TP53BP2: variants seen among roughly 807,000 people sequenced by gnomAD.
TP53BP2 encodes the protein apoptosis-stimulating of p53 protein 2.
A neutral mutation model predicts 126.2 loss-of-function variants in TP53BP2; 62 were observed. That is an observed-to-expected ratio of 0.49 (90% CI 0.40 to 0.61). The LOEUF (loss-of-function observed/expected upper bound fraction) is 0.61, where lower values mean the gene tolerates loss of function less well. TP53BP2 is among the 20% of genes least tolerant of loss of function. The probability of loss-of-function intolerance (pLI) is 0.00; values close to 1 mark genes in which losing one functional copy is unlikely to be tolerated. For synonymous variants in TP53BP2, 485 were observed against 502.9 expected (o/e 0.96, Z 0.48); for missense variants, 1,215 against 1,402.8 (o/e 0.87, Z 2.14).
intron 1 of TP53BP2, among the ~76,000 whole-genome samples, chr1:223,831,917 T>C (rs1047241948): frequency 1.3e-5 from 2 of 152,194 alleles, no homozygotes; most frequent in African/African-American, 4.8e-5. Flanking sequence ...CATAGATTTA[T>C]TTTAAGAGTC....
At chr1:223,843,175 T>C (rs1301018900) in intron 1 of TP53BP2, among the ~76,000 whole-genome samples, 3 of 138,298 alleles carry the variant, frequency 2.2e-5, no homozygotes, top group Non-Finnish European at 4.5e-5. Flanking sequence ...ACACAATTTA[T>C]TTGCACTTTT....
intron 4 of TP53BP2, 129 bp from the exon 5 acceptor site, chr1:223,807,076 T>C (rs977450305): frequency 3.3e-6 from 2 of 598,202 alleles, no homozygotes; most frequent in Non-Finnish European, 5.8e-6. Context: ...GCGATTTTTC[T>C]TTCATAATAT....
chr1:223,829,202 C>T (rs1055571772), intron 1 of TP53BP2, among the ~76,000 whole-genome samples: 1 of 152,060 alleles, frequency 6.6e-6, no homozygotes, highest in Admixed American at 6.5e-5. Context: ...AGCATGGTAG[C>T]GTATACCTAT....
rs557222975 is a variant in TP53BP2, at chr1:223,782,033, A to T, written c.3364-1139T>A. On this transcript the variant is annotated intron_variant, in intron 17 of 17. Transcript: ENST00000343537. ...TGCAATGTTCCCCGTGTCATTAACC[A>T]CAGGACCTGTGTTAGAAAATTTAAA... Among the ~76,000 whole-genome samples, 10 of 131,288 alleles carry T rather than the reference A, an allele frequency of 7.6e-5. No homozygotes were observed. In the South Asian group the frequency reaches 1.9e-3, roughly 25 times the overall value. 86.1% of individuals were successfully genotyped at this position (131,288 alleles called of 152,430 possible).
In TP53BP2 at chr1:223,806,837, C is replaced by T. The variant is rs779963179; in HGVS notation, c.474+9G>A. On this transcript the variant is annotated intron_variant, in intron 5 of 17. Coordinates refer to ENST00000343537, the MANE Select transcript of TP53BP2 (RefSeq NM_001031685.3). ...AGCATTCATCTCCAAAAAAAAAGGA[C>T]GATACTACCTTAGTTGCCAGCAATT... is the stretch of plus-strand genomic sequence containing the variant. 39 of 1,610,596 alleles carry T rather than the reference C, an allele frequency of 2.4e-5. 1 individual carries two copies. In the South Asian group the frequency reaches 2.5e-4, roughly 10 times the overall value.
chr1:223,802,843 T>C lies in TP53BP2; in HGVS notation c.884A>G (p.Glu295Gly). 1 of 1,614,152 alleles carries C rather than the reference T, an allele frequency of 6.2e-7. No individual in the cohort carries two copies. Among genetic ancestry groups the C allele is most frequent in the East Asian group, 2.2e-5 (1 of 44,886 alleles). ...TTCTGAATTACGCTTATTCAAACAC[T>C]CCCTCTGTTGTTGTAGCTTGGCATT... ...EQNAKLQQQR[E>G]CLNKRNSEVA... is the part of the protein sequence containing the mutation. Residue 295 changes from glutamate (E) to glycine (G), a missense_variant, in exon 8 of 18, where the codon GAG becomes GGG. Glu to Gly is a moderately conservative substitution (Grantham distance 98). Coordinates refer to ENST00000343537, the MANE Select transcript of TP53BP2 (RefSeq NM_001031685.3).
intron 1 of TP53BP2, among the ~76,000 whole-genome samples, chr1:223,833,701 T>C (rs552704437): frequency 3.9e-5 from 6 of 152,318 alleles, no homozygotes; most frequent in Non-Finnish European, 8.8e-5. Context: ...AAGAAGCTCC[T>C]GGTTCTATGC....
intron 2 of TP53BP2, among the ~76,000 whole-genome samples, chr1:223,819,603 G>A (rs1464601295): frequency 6.6e-6 from 1 of 151,342 alleles, no homozygotes; most frequent in African/African-American, 2.4e-5. Flanking sequence ...GGAGAATGGC[G>A]TGAACCTGGG....
At chr1:223,827,048 AC>A (rs1346374612) in intron 1 of TP53BP2, among the ~76,000 whole-genome samples, 1 of 152,204 alleles carries the variant, frequency 6.6e-6, no homozygotes, top group African/African-American at 2.4e-5. Flanking sequence ...GGAAGGGCCC[AC>A]AGAATGAGGC....
intron 1 of TP53BP2, among the ~76,000 whole-genome samples, chr1:223,826,419 G>A (rs775766121): frequency 1.3e-5 from 2 of 152,124 alleles, no homozygotes; most frequent in African/African-American, 4.8e-5. Flanking sequence ...TAGAAACCAC[G>A]TCCTGAGAAC....
rs184020097 is a variant in TP53BP2 at position 223,839,615 on chromosome 1, A to C, written c.27+6039T>G. On this transcript the variant is annotated intron_variant, in intron 1 of 17. Transcript: ENST00000343537. ...TTGAAATTTAAATAAAGTAGTATTAAGTTATAAATCTGTATCCAGAAAAAC... is the reference window on the plus strand; with the variant it reads ...TTGAAATTTAAATAAAGTAGTATTACGTTATAAATCTGTATCCAGAAAAAC... Among the ~76,000 whole-genome samples, 216 of 152,342 alleles carry C rather than the reference A, an allele frequency of 1.4e-3. 3 individuals are homozygous for C. In the Middle Eastern group the frequency reaches 0.02, roughly 14 times the overall value.
intron 1 of TP53BP2, among the ~76,000 whole-genome samples, chr1:223,830,435 A>C (rs1375819114): frequency 6.6e-6 from 1 of 152,200 alleles, no homozygotes; most frequent in Non-Finnish European, 1.5e-5. Flanking sequence ...CGATGGTAGT[A>C]CTATAAATTA....
intron 2 of TP53BP2, among the ~76,000 whole-genome samples, chr1:223,815,276 C>T (rs1663046951): frequency 6.6e-6 from 1 of 152,178 alleles, no homozygotes; most frequent in Non-Finnish European, 1.5e-5. Flanking sequence ...CAACCCTGAA[C>T]TTAATCTGCT....
intron 1 of TP53BP2, among the ~76,000 whole-genome samples, chr1:223,837,882 G>A (rs1164817870): frequency 4.6e-5 from 7 of 151,998 alleles, no homozygotes; most frequent in East Asian, 1.9e-4. Flanking sequence ...CTTTTGCTTC[G>A]GCTCTTGTCA....
At chr1:223,801,352 C>T (rs1202507015) in intron 9 of TP53BP2, among the ~76,000 whole-genome samples, 1 of 152,188 alleles carries the variant, frequency 6.6e-6, no homozygotes, top group Non-Finnish European at 1.5e-5. Context: ...GGTACTATTG[C>T]TTCACAGTAG....
chr1:223,789,199 G>A, intron 15 of TP53BP2, 25 bp from the exon 16 acceptor site: 1 of 1,612,026 alleles, frequency 6.2e-7, no homozygotes, highest in Non-Finnish European at 8.5e-7. Flanking sequence ...ACGAGGGCTA[G>A]AACTGTTTTC....
chr1:223,822,721 A>C (rs2102874673), intron 1 of TP53BP2, among the ~76,000 whole-genome samples: 1 of 152,242 alleles, frequency 6.6e-6, no homozygotes, highest in Non-Finnish European at 1.5e-5. Flanking sequence ...TAGTAAAAAA[A>C]GACACTGTAT....
rs368757023 is a variant in TP53BP2, at chr1:223,792,556, T to C, written c.2863-34A>G. The C allele has an allele frequency of 4.0e-5, 65 of 1,610,082 alleles. No homozygotes were observed. The African/African-American group carries it at 8.1e-4, about 20-fold the overall frequency. ...AGAAGAAGGGTGAGCATCACTCTAG[T>C]TTCTTGTCACCTGAACTGTCACTAC... On this transcript the variant is annotated intron_variant, in intron 14 of 17. Coordinates refer to ENST00000343537, the MANE Select transcript of TP53BP2 (RefSeq NM_001031685.3).
chr1:223,793,966 G>A (rs1042851659), intron 13 of TP53BP2, among the ~76,000 whole-genome samples: 9 of 152,112 alleles, frequency 5.9e-5, no homozygotes, highest in East Asian at 1.9e-4. Context: ...GCACACAGCC[G>A]GCAAATGGCA....
Sources: allele counts gnomAD v4.1 joint callset (sites outside exome capture counted in the v4.1 genomes callset), GRCh38; gene constraint gnomAD v4.1.1; transcripts MANE v1.5; gene names NCBI Gene and HGNC (gene_info 2026-07-23, HGNC 2026-07-21).